The following C3orf70 variants were observed in gnomAD, a reference collection of about 807,000 sequenced individuals.
C3orf70 encodes UPF0524 protein C3orf70.
In C3orf70, 15 loss-of-function variants were observed where a neutral mutation model predicts 20.7. That is an observed-to-expected ratio of 0.72 (90% confidence interval 0.48 to 1.11). C3orf70 has a LOEUF of 1.11. C3orf70 is among the 50% of genes most tolerant of loss of function. C3orf70 has a pLI of 0.00. For synonymous variants in C3orf70, 161 were observed against 125.7 expected (o/e 1.28, Z -1.88); for missense variants, 332 against 317.6 (o/e 1.05, Z -0.34).
intron 1 of C3orf70, among the ~76,000 whole-genome samples, chr3:185,134,352 C>T (rs1347485188): frequency 2.0e-5 from 3 of 152,088 alleles, no homozygotes; most frequent in Non-Finnish European, 2.9e-5. Flanking sequence ...TATTCCTCCC[C>T]ACTAAGTATA....
chr3:185,119,127 A>G lies in C3orf70; in HGVS notation c.196+33501T>C, dbSNP rs546065877. ...TAAAACAATATCAGGATGGAAGCTT[A>G]TGTTATTTGTTTGCTTCCATCACAG... is the stretch of plus-strand genomic sequence containing the variant. On this transcript the variant is annotated intron_variant, in intron 1 of 1. Transcript: ENST00000335012. Among the ~76,000 whole-genome samples the G allele has an allele frequency of 5.9e-5, 9 of 152,326 alleles. No individual in the cohort carries two copies. The South Asian group carries it at 1.2e-3, about 21-fold the overall frequency.
rs936373378 is a variant in C3orf70 at position 185,077,880 on chromosome 3, C to T, written c.*5127G>A. 1.6e-4 allele frequency among the ~76,000 whole-genome samples: 24 copies of T among 151,094 alleles called. No individual in the cohort carries two copies. The highest frequency in any genetic ancestry group is 3.9e-4 in the East Asian group (2 of 5,146). ...GAGTGGTGACTCTGAGTAGATACTG[C>T]GGACAGTACAGTTTATCTGCACCTC... is the stretch of plus-strand genomic sequence containing the variant. On this transcript the variant is annotated 3_prime_UTR_variant, in exon 2 of 2. Transcript: ENST00000335012.
At chr3:185,133,958 G>A (rs1458476027) in intron 1 of C3orf70, among the ~76,000 whole-genome samples, 1 of 152,040 alleles carries the variant, frequency 6.6e-6, no homozygotes, top group Non-Finnish European at 1.5e-5. Context: ...GCTTGGTGGT[G>A]CATGCCTATA....
At position 185,152,924 on chromosome 3, in the gene C3orf70, C is replaced by A; in HGVS notation, c.-101G>T. The A allele has an allele frequency of 8.5e-7, 1 of 1,182,830 alleles. No individual in the cohort carries two copies. The highest frequency in any genetic ancestry group is 1.1e-6 in the Non-Finnish European group (1 of 897,364). The allele number at this position is 1,182,830 out of a possible 1,614,324, so 73.3% of individuals were successfully genotyped here. Reference sequence around the variant, plus strand: ...GCTGCGGACGCGGGAGGGCGCGGCACGGGCCGGGAGTCACGCCAGCACGCG... The same window carrying A: ...GCTGCGGACGCGGGAGGGCGCGGCAAGGGCCGGGAGTCACGCCAGCACGCG... On this transcript the variant is annotated 5_prime_UTR_variant, in exon 1 of 2. Transcript: ENST00000335012.
At chr3:185,145,283 T>C (rs557519312) in intron 1 of C3orf70, among the ~76,000 whole-genome samples, 87 of 152,354 alleles carry the variant, frequency 5.7e-4, no homozygotes, top group African/African-American at 2.1e-3. Flanking sequence ...CCATGTGGTT[T>C]AAATCTCTAA....
rs930213814 is a variant in C3orf70 at position 185,080,883 on chromosome 3, A to C, written c.*2124T>G. 1 of 152,214 alleles carries C rather than the reference A, an allele frequency of 6.6e-6. No homozygotes were observed. Among genetic ancestry groups the C allele is most frequent in the East Asian group, 1.9e-4 (1 of 5,194 alleles). 9.4% of individuals were successfully genotyped at this position (152,214 alleles called of 1,614,324 possible). ...TTGTCTTGTTGAATCTTTAAATTTCAGTAAGTGGAGACTTTATGCCGCATT... is the reference window on the plus strand; with the variant it reads ...TTGTCTTGTTGAATCTTTAAATTTCCGTAAGTGGAGACTTTATGCCGCATT... On this transcript the variant is annotated 3_prime_UTR_variant, in exon 2 of 2. Coordinates refer to ENST00000335012, the MANE Select transcript of C3orf70 (RefSeq NM_001025266.3).
intron 1 of C3orf70, among the ~76,000 whole-genome samples, chr3:185,088,766 A>G (rs567596900): frequency 1.3e-5 from 2 of 152,322 alleles, no homozygotes; most frequent in East Asian, 3.9e-4. Flanking sequence ...TACTTTCACC[A>G]ATTTTAGCAT....
chr3:185,149,734 A>G (rs1463332923), intron 1 of C3orf70, among the ~76,000 whole-genome samples: 1 of 152,222 alleles, frequency 6.6e-6, no homozygotes, highest in African/African-American at 2.4e-5. Flanking sequence ...TAGCTGCTTT[A>G]AATGAAGTCA....
At chr3:185,115,791 T>C (rs1716162281) in intron 1 of C3orf70, among the ~76,000 whole-genome samples, 2 of 152,210 alleles carry the variant, frequency 1.3e-5, no homozygotes, top group Non-Finnish European at 2.9e-5. Context: ...GGCCATCTTC[T>C]GGACTGCAGA....
At chr3:185,135,013 T>C (rs188054657) in intron 1 of C3orf70, among the ~76,000 whole-genome samples, 6 of 152,200 alleles carry the variant, frequency 3.9e-5, no homozygotes, top group Non-Finnish European at 8.8e-5. Context: ...CAGAATGGTA[T>C]CCCAAAAAAG....
At chr3:185,149,933 A>C (rs1716955325) in intron 1 of C3orf70, among the ~76,000 whole-genome samples, 1 of 152,226 alleles carries the variant, frequency 6.6e-6, no homozygotes, top group Non-Finnish European at 1.5e-5. Context: ...TTATTTTAAA[A>C]CAGTTTCTAA....
chr3:185,102,066 CA>C (rs565076880), intron 1 of C3orf70, among the ~76,000 whole-genome samples: 51 of 152,186 alleles, frequency 3.4e-4, no homozygotes, highest in Non-Finnish European at 6.5e-4. Context: ...ATTGAAAGTC[CA>C]GGCAGATCAG....
chr3:185,094,918 C>T (rs1715670755), intron 1 of C3orf70, among the ~76,000 whole-genome samples: 1 of 152,144 alleles, frequency 6.6e-6, no homozygotes, highest in Non-Finnish European at 1.5e-5. Flanking sequence ...GCTGACAGGG[C>T]ACACACAGAC....
In C3orf70 at chr3:185,149,511, T is replaced by C. The variant is rs929987228; in HGVS notation, c.196+3117A>G. Among the ~76,000 whole-genome samples the C allele has an allele frequency of 1.1e-4, 16 of 152,194 alleles. 1 individual carries two copies. The highest frequency in any genetic ancestry group is 3.9e-4 in the African/African-American group (16 of 41,430). On this transcript the variant is annotated intron_variant, in intron 1 of 1. Coordinates refer to ENST00000335012, the MANE Select transcript of C3orf70 (RefSeq NM_001025266.3). ...GGTCCAGCTGTATTCATATTTTTAT[T>C]CTGAGTTTCCAAAATAATGTCTCAT...
At chr3:185,108,536 A>C (rs1715994786) in intron 1 of C3orf70, among the ~76,000 whole-genome samples, 1 of 152,240 alleles carries the variant, frequency 6.6e-6, no homozygotes, top group Non-Finnish European at 1.5e-5. Flanking sequence ...TAGGGCTCAT[A>C]CACCTCTTTC....
chr3:185,137,607 TA>T (rs1716654075), intron 1 of C3orf70, among the ~76,000 whole-genome samples: 1 of 152,098 alleles, frequency 6.6e-6, no homozygotes, highest in African/African-American at 2.4e-5. Flanking sequence ...AGAAACCAGT[TA>T]ATAAAAAGTT....
intron 1 of C3orf70, among the ~76,000 whole-genome samples, chr3:185,099,446 C>T (rs963625195): frequency 1.3e-5 from 2 of 152,182 alleles, no homozygotes; most frequent in African/African-American, 4.8e-5. Flanking sequence ...AATTCCAACA[C>T]AGAATTTCAT....
intron 1 of C3orf70, among the ~76,000 whole-genome samples, chr3:185,136,749 A>C (rs915798709): frequency 3.3e-5 from 5 of 149,372 alleles, no homozygotes; most frequent in Non-Finnish European, 7.5e-5. Context: ...ACAAAACAAA[A>C]AAACCCACAA....
intron 1 of C3orf70, among the ~76,000 whole-genome samples, chr3:185,122,833 C>T (rs115560383): frequency 0.012 from 1,768 of 151,962 alleles, 38 homozygotes; most frequent in African/African-American, 0.04. Flanking sequence ...CTGAGAAAGG[C>T]TTTTCTTCCG....
Sources: gnomAD v4.1 joint callset for allele counts (sites outside exome capture counted in the v4.1 genomes callset) on GRCh38, gnomAD v4.1.1 for gene constraint, MANE v1.5 for transcripts, NCBI Gene and HGNC (gene_info 2026-07-23, HGNC 2026-07-21) for gene names.